The following NFIB variants were observed in gnomAD, a reference collection of about 807,000 sequenced individuals.
NFIB encodes nuclear factor I B.
NFIB carries 11 observed loss-of-function variants against 61.5 expected under a neutral mutation model. That is an observed-to-expected ratio of 0.18 (90% CI 0.11 to 0.30). The LOEUF (loss-of-function observed/expected upper bound fraction) is 0.30, where lower values mean the gene tolerates loss of function less well. Ranked by LOEUF, NFIB falls within the 10% of genes least tolerant of loss-of-function variation. The pLI is 1.00. For missense variants in NFIB, 471 were observed against 608.9 expected (o/e 0.77, Z 2.38); for synonymous variants, 260 against 216.5 (o/e 1.20, Z -1.76).
At chr9:14,470,237 T>C in the NFIB span, among the ~76,000 whole-genome samples, 3 of 152,192 alleles carry the variant, frequency 2.0e-5, no homozygotes, top group East Asian at 1.9e-4. Flanking sequence ...AGCAGAGCCA[T>C]GTTGCAGAGT....
chr9:14,321,963 TAA>T (rs2060671677), intron 1 of NFIB: 1 of 1,229,824 alleles, frequency 8.1e-7, no homozygotes, highest in Non-Finnish European at 1.0e-6. Flanking sequence ...TTGCATTAAA[TAA>T]AAGAGATCTT....
intron 2 of NFIB, among the ~76,000 whole-genome samples, chr9:14,277,356 C>CAG (rs1292042616): frequency 1.3e-5 from 2 of 151,852 alleles, no homozygotes; most frequent in African/African-American, 2.4e-5. Flanking sequence ...CACACACACA[C>CAG]ACACACACAC....
intron 4 of NFIB, among the ~76,000 whole-genome samples, chr9:14,154,742 A>G (rs2043204473): frequency 6.6e-6 from 1 of 152,220 alleles, no homozygotes; most frequent in Non-Finnish European, 1.5e-5. Flanking sequence ...GTTCATATGT[A>G]TCACTCCCTG....
upstream of NFIB, among the ~76,000 whole-genome samples, chr9:14,400,478 C>G (rs1399741378): frequency 6.6e-6 from 1 of 152,044 alleles, no homozygotes; most frequent in African/African-American, 2.4e-5. Flanking sequence ...GTTGAGGCAT[C>G]AGGTAAGAAG....
intron 3 of NFIB, among the ~76,000 whole-genome samples, chr9:14,162,738 C>A (rs555927179): frequency 6.6e-6 from 1 of 152,160 alleles, no homozygotes; most frequent in African/African-American, 2.4e-5. Context: ...TTAGATAACT[C>A]TGAATCGTGA....
chr9:14,470,493 C>T, the NFIB span, among the ~76,000 whole-genome samples: 2 of 152,084 alleles, frequency 1.3e-5, no homozygotes, highest in African/African-American at 4.8e-5. Flanking sequence ...TACCTTTTAC[C>T]CTTCTATGGA....
the NFIB span, among the ~76,000 whole-genome samples, chr9:14,427,699 G>A: frequency 6.6e-6 from 1 of 152,090 alleles, no homozygotes; most frequent in Admixed American, 6.6e-5. Context: ...TTATGGATGG[G>A]ACGGGGAATG....
chr9:14,131,170 T>C (rs939609995), intron 6 of NFIB, among the ~76,000 whole-genome samples: 1 of 152,210 alleles, frequency 6.6e-6, no homozygotes, highest in Admixed American at 6.5e-5. Context: ...CATGTTTACA[T>C]TTATAACTGG....
At chr9:14,344,681 A>G (rs1337468039) in intron 1 of NFIB, among the ~76,000 whole-genome samples, 1 of 152,146 alleles carries the variant, frequency 6.6e-6, no homozygotes, top group African/African-American at 2.4e-5. Context: ...GTGATTAACA[A>G]GAATAAACGG....
At chr9:14,198,171 T>C (rs951231238) in intron 2 of NFIB, among the ~76,000 whole-genome samples, 10 of 152,136 alleles carry the variant, frequency 6.6e-5, no homozygotes, top group Admixed American at 5.9e-4. Context: ...TATGAAGTAT[T>C]AGAGAAATGG....
At chr9:14,221,393 G>T (rs1390240252) in intron 2 of NFIB, among the ~76,000 whole-genome samples, 1 of 152,158 alleles carries the variant, frequency 6.6e-6, no homozygotes, top group Non-Finnish European at 1.5e-5. Flanking sequence ...CACAATATTT[G>T]TAATACGCAG....
chr9:14,145,762 C>A (rs1195566641), intron 6 of NFIB, among the ~76,000 whole-genome samples: 1 of 151,640 alleles, frequency 6.6e-6, no homozygotes, highest in Non-Finnish European at 1.5e-5. Context: ...CTGATCCTCC[C>A]ACCTCAGCCT....
intron 6 of NFIB, among the ~76,000 whole-genome samples, chr9:14,132,671 G>A (rs1426383918): frequency 6.6e-6 from 1 of 151,920 alleles, no homozygotes. Context: ...GGGTTCAAGC[G>A]ATCCTCCCAT....
At chr9:14,093,956 T>C (rs949225647) in intron 10 of NFIB, among the ~76,000 whole-genome samples, 3 of 152,136 alleles carry the variant, frequency 2.0e-5, no homozygotes, top group Admixed American at 6.6e-5. Flanking sequence ...GTGTATTATT[T>C]GCCAGGTACT....
intron 2 of NFIB, among the ~76,000 whole-genome samples, chr9:14,202,442 T>C (rs1360711517): frequency 1.3e-5 from 2 of 152,206 alleles, no homozygotes; most frequent in Non-Finnish European, 2.9e-5. Flanking sequence ...AATACTATTT[T>C]AGGATGAAAA....
intron 3 of NFIB, among the ~76,000 whole-genome samples, chr9:14,168,282 AAAG>A (rs1158253267): frequency 1.3e-5 from 2 of 152,204 alleles, no homozygotes; most frequent in African/African-American, 2.4e-5. Flanking sequence ...GGTATACAAA[AAAG>A]AAGAATGCAA....
the NFIB span, among the ~76,000 whole-genome samples, chr9:14,439,184 A>G: frequency 1.3e-5 from 2 of 152,138 alleles, no homozygotes; most frequent in African/African-American, 4.8e-5. Context: ...CAGCTTGGGC[A>G]ACAAAGTGAA....
chr9:14,090,058 T>C (rs1008031489), intron 10 of NFIB, among the ~76,000 whole-genome samples: 3 of 152,146 alleles, frequency 2.0e-5, no homozygotes, highest in Non-Finnish European at 2.9e-5. Context: ...AATCAATTAA[T>C]TGTTTCAAAT....
the NFIB span, among the ~76,000 whole-genome samples, chr9:14,512,094 T>G: frequency 1.3e-5 from 2 of 152,244 alleles, no homozygotes; most frequent in Non-Finnish European, 1.5e-5. Context: ...ATATGTATGT[T>G]ACTATTGTGA....
Sources: gnomAD v4.1 joint callset for allele counts (sites outside exome capture counted in the v4.1 genomes callset) on GRCh38, gnomAD v4.1.1 for gene constraint, MANE v1.5 for transcripts, NCBI Gene and HGNC (gene_info 2026-07-23, HGNC 2026-07-21) for gene names.